FGFR2: variants seen among roughly 807,000 people sequenced by gnomAD.
FGFR2 encodes the protein fibroblast growth factor receptor 2, also known as BEK fibroblast growth factor receptor.
In FGFR2, 19 loss-of-function variants were observed where a neutral mutation model predicts 95.9. The observed-to-expected ratio is 0.20, with a 90% CI of 0.14 to 0.29. FGFR2 has a LOEUF of 0.29. Among genes scored for constraint, FGFR2 ranks in the 10% least tolerant of loss-of-function variants. FGFR2 has a pLI of 1.00. For missense variants in FGFR2, 707 were observed against 1,056.9 expected, an observed-to-expected ratio of 0.67 and a Z score of 4.59; for synonymous variants, 392 against 393.3, an observed-to-expected ratio of 1.00 and a Z score of 0.04.
intron 2 of FGFR2, among the ~76,000 whole-genome samples, chr10:121,573,225 G>A (rs994913177): frequency 2.0e-5 from 3 of 152,292 alleles, no homozygotes; most frequent in Non-Finnish European, 4.4e-5. Context: ...GTCTTGCCCC[G>A]TCCAATCACT....
chr10:121,596,539 A>G, intron 1 of FGFR2: 1 of 197,026 alleles, frequency 5.1e-6, no homozygotes, highest in African/African-American at 2.3e-5. Context: ...GCTCCTCCAA[A>G]GTGCAGACCC....
intron 9 of FGFR2, among the ~76,000 whole-genome samples, chr10:121,509,482 CTTTTTTTTTTTTT>C (rs67778522): frequency 8.8e-5 from 4 of 45,352 alleles, no homozygotes; most frequent in South Asian, 1.6e-3. Context: ...TGTTTCTTTT[CTTTTTTTTTTTTT>C]TTTTTTTTTT....
At chr10:121,572,261 T>C (rs533156842) in intron 2 of FGFR2, among the ~76,000 whole-genome samples, 17 of 151,734 alleles carry the variant, frequency 1.1e-4, no homozygotes, top group Non-Finnish European at 2.4e-4. Context: ...GAGGCTGCAC[T>C]GAGCTATGAT....
chr10:121,595,974 C>T (rs1026914613), intron 1 of FGFR2, among the ~76,000 whole-genome samples: 8 of 152,364 alleles, frequency 5.3e-5, no homozygotes, highest in Admixed American at 4.6e-4. Context: ...CACAGTTCCT[C>T]ACACCAGTGG....
Position 121,551,382 on chromosome 10 carries a change from G to A in FGFR2, c.532C>T (p.Arg178Cys), listed in dbSNP as rs974173968. The A allele has an allele frequency of 9.9e-6, 16 of 1,614,038 alleles. No homozygotes were observed. Among genetic ancestry groups the A allele is most frequent in the African/African-American group, 2.7e-5 (2 of 74,900 alleles). Reference protein sequence around the residue: ...AVPAANTVKFRCPAGGNPMPT... With the variant: ...AVPAANTVKFCCPAGGNPMPT... ...ATTGGGTTCCCCCCGGCTGGGCAGC[G>A]AAACTTGACAGTGTTGGCCGCAGGC... The change falls in exon 5 of 18, where the codon CGC (arginine) becomes TGC (cysteine). Residue 178 changes from arginine to cysteine, a missense_variant. Arg to Cys is a radical substitution (Grantham distance 180, BLOSUM62 -3). Around this residue, in one of 7 missense-constraint regions of FGFR2, gnomAD observed 139 missense variants for 278.1 expected, o/e 0.50. Transcript: ENST00000358487.
chr10:121,517,718 C>A lies in FGFR2; in HGVS notation c.940-255G>T, dbSNP rs758578396. Among the ~76,000 whole-genome samples the A allele has an allele frequency of 6.6e-6, 1 of 152,110 alleles. No individual in the cohort carries two copies. Among genetic ancestry groups the A allele is most frequent in the African/African-American group, 2.4e-5 (1 of 41,424 alleles). ...CAATCAAACGCATGGAAAAAATCAACCCACAGAGGTCCGTTCTCTTGGCCT... is the reference window on the plus strand; with the variant it reads ...CAATCAAACGCATGGAAAAAATCAAACCACAGAGGTCCGTTCTCTTGGCCT... On this transcript the variant is annotated intron_variant, in intron 7 of 17. Coordinates refer to ENST00000358487, the MANE Select transcript of FGFR2 (RefSeq NM_000141.5). The surrounding 1 kb of genome is among the most constrained non-coding windows in gnomAD (Gnocchi z 4.7).
chr10:121,530,860 C>G (rs929796587), intron 6 of FGFR2, among the ~76,000 whole-genome samples: 1 of 152,228 alleles, frequency 6.6e-6, no homozygotes, highest in Non-Finnish European at 1.5e-5. Flanking sequence ...ACTGCCATCA[C>G]TAAATTGACA....
At chr10:121,516,231 A>G (rs1849693383) in intron 8 of FGFR2, among the ~76,000 whole-genome samples, 1 of 152,244 alleles carries the variant, frequency 6.6e-6, no homozygotes, top group Non-Finnish European at 1.5e-5. Context: ...AAACTGGTTA[A>G]GAAGTGCCAG....
chr10:121,499,238 G>A (rs529808306), intron 11 of FGFR2, among the ~76,000 whole-genome samples: 10 of 152,198 alleles, frequency 6.6e-5, no homozygotes, highest in South Asian at 2.1e-4. Context: ...TTCCACATAC[G>A]CGGGCTCGCA....
Position 121,478,727 on chromosome 10 carries a change from G to A in FGFR2, c.*1130C>T, listed in dbSNP as rs1589689441. ...GAAGATCCTAACAGGCGTCTCCAACGCCAAAGAGTCTGGAAGCCATTATCA... is the reference window on the plus strand; with the variant it reads ...GAAGATCCTAACAGGCGTCTCCAACACCAAAGAGTCTGGAAGCCATTATCA... On this transcript the variant is annotated 3_prime_UTR_variant, in exon 18 of 18. Coordinates refer to ENST00000358487, the MANE Select transcript of FGFR2 (RefSeq NM_000141.5). 8.6e-6 allele frequency: 2 copies of A among 233,334 alleles called. No homozygotes were observed. The highest frequency in any genetic ancestry group is 1.7e-5 in the Non-Finnish European group (2 of 117,950). The allele number at this position is 233,334 out of a possible 1,614,324, so 14.5% of individuals were successfully genotyped here.
At chr10:121,572,758 C>T (rs1204455785) in intron 2 of FGFR2, among the ~76,000 whole-genome samples, 2 of 152,212 alleles carry the variant, frequency 1.3e-5, no homozygotes, top group Non-Finnish European at 2.9e-5. Context: ...CTCATAGGAC[C>T]TCTGACTGGG....
intron 6 of FGFR2, among the ~76,000 whole-genome samples, chr10:121,521,247 T>C (rs1282225272): frequency 6.6e-6 from 1 of 152,228 alleles, no homozygotes; most frequent in African/African-American, 2.4e-5. Context: ...GACTGCCCTA[T>C]AAAAGGGCAG....
chr10:121,580,295 C>T (rs189202517), intron 2 of FGFR2, among the ~76,000 whole-genome samples: 3 of 152,178 alleles, frequency 2.0e-5, no homozygotes, highest in African/African-American at 2.4e-5. Context: ...AGCAGGATCT[C>T]GGTTCCAACA....
chr10:121,597,704 G>A (rs1863668590), intron 1 of FGFR2, among the ~76,000 whole-genome samples: 2 of 152,374 alleles, frequency 1.3e-5, no homozygotes, highest in East Asian at 3.9e-4. Context: ...GACAGGGAGG[G>A]GGGCGTCAAC....
In FGFR2 at chr10:121,498,316, G is replaced by A. The variant is rs549455638; in HGVS notation, c.1672+179C>T. On this transcript the variant is annotated intron_variant, in intron 12 of 17. Coordinates refer to ENST00000358487, the MANE Select transcript of FGFR2 (RefSeq NM_000141.5). ...CTCCTTTCCACTGGCCCCCAGGTAC[G>A]GGCACAGACCCTTCTTTGTGTTCAT... Among the ~76,000 whole-genome samples the A allele has an allele frequency of 1.3e-3, 198 of 152,282 alleles. 2 individuals carry two copies. Among genetic ancestry groups the A allele is most frequent in the Middle Eastern group, 3.4e-3 (1 of 294 alleles).
chr10:121,585,042 G>C (rs555695183), intron 2 of FGFR2, among the ~76,000 whole-genome samples: 1 of 152,218 alleles, frequency 6.6e-6, no homozygotes, highest in African/African-American at 2.4e-5. Flanking sequence ...ATGTGGCAGA[G>C]TATTTTGTAT....
At chr10:121,559,052 A>G (rs1169172914) in intron 4 of FGFR2, among the ~76,000 whole-genome samples, 1 of 151,442 alleles carries the variant, frequency 6.6e-6, no homozygotes, top group Non-Finnish European at 1.5e-5. Flanking sequence ...ATAACCTGCA[A>G]TATATTTTTC....
intron 2 of FGFR2, among the ~76,000 whole-genome samples, chr10:121,585,985 C>G (rs1415824568): frequency 1.3e-5 from 2 of 152,148 alleles, no homozygotes; most frequent in Non-Finnish European, 1.5e-5. Context: ...AGTTTAAAAC[C>G]TAAACTTAAC....
chr10:121,507,536 C>A (rs548573334), intron 9 of FGFR2, among the ~76,000 whole-genome samples: 3 of 151,960 alleles, frequency 2.0e-5, no homozygotes, highest in Admixed American at 2.0e-4. Flanking sequence ...TGCGGTGAGC[C>A]GAGATGGTGC....
Sources: gnomAD v4.1 joint callset for allele counts (sites outside exome capture counted in the v4.1 genomes callset) on GRCh38, gnomAD v4.1.1 for gene constraint, gnomAD v4.1.1 regional missense constraint, Gnocchi (gnomAD v3.1) non-coding constraint, MANE v1.5 for transcripts, NCBI Gene and HGNC (gene_info 2026-07-23, HGNC 2026-07-21) for gene names.